The following NAA11 variants were observed in gnomAD, a reference collection of about 807,000 sequenced individuals.
NAA11 encodes the protein N-alpha-acetyltransferase 11.
A neutral mutation model predicts 16.1 loss-of-function variants in NAA11; 15 were observed. The observed-to-expected ratio is 0.93, with a 90% CI of 0.62 to 1.44. The LOEUF (loss-of-function observed/expected upper bound fraction) is 1.44, where lower values mean the gene tolerates loss of function less well. NAA11 is among the 40% of genes most tolerant of loss of function. The pLI is 0.00. For missense variants in NAA11, 298 were observed against 291.3 expected (o/e 1.02, Z -0.17); for synonymous variants, 122 against 112.4 (o/e 1.09, Z -0.54).
the NAA11 span, among the ~76,000 whole-genome samples, chr4:79,202,170 G>A: frequency 7.3e-5 from 11 of 151,480 alleles, 1 homozygote; most frequent in South Asian, 4.2e-4. Context: ...GAGTCAGATC[G>A]TGTGATGTTT....
At chr4:79,267,334 A>G (rs949599438) in intron 2 of NAA11, among the ~76,000 whole-genome samples, 3 of 152,206 alleles carry the variant, frequency 2.0e-5, no homozygotes, top group African/African-American at 7.2e-5. Flanking sequence ...AGATTATTAC[A>G]CTTGGGGAGA....
the NAA11 span, among the ~76,000 whole-genome samples, chr4:79,216,510 T>C: frequency 6.6e-6 from 1 of 152,144 alleles, no homozygotes; most frequent in East Asian, 1.9e-4. Flanking sequence ...AATAAATTCA[T>C]CAAATGACTG....
intron 2 of NAA11, among the ~76,000 whole-genome samples, chr4:79,278,790 C>CTTT (rs1275836265): frequency 6.6e-6 from 1 of 152,080 alleles, no homozygotes; most frequent in African/African-American, 2.4e-5. Context: ...TCTCAACATC[C>CTTT]TTTATAATAC....
chr4:79,264,244 A>C (rs1439218997), intron 2 of NAA11, among the ~76,000 whole-genome samples: 1 of 152,256 alleles, frequency 6.6e-6, no homozygotes, highest in Non-Finnish European at 1.5e-5. Flanking sequence ...ACAATTTGAC[A>C]GAGTTGATTT....
chr4:79,181,444 G>A, the NAA11 span, among the ~76,000 whole-genome samples: 3 of 152,176 alleles, frequency 2.0e-5, no homozygotes, highest in African/African-American at 7.2e-5. Flanking sequence ...AAGGTTTAGA[G>A]TAGAAAGTTA....
chr4:79,193,401 A>G, the NAA11 span, among the ~76,000 whole-genome samples: 1 of 152,158 alleles, frequency 6.6e-6, no homozygotes, highest in Non-Finnish European at 1.5e-5. Flanking sequence ...TAATTTTTGT[A>G]TAAGGTGTAA....
intron 2 of NAA11, among the ~76,000 whole-genome samples, chr4:79,273,885 A>G (rs1359135559): frequency 1.3e-5 from 2 of 152,086 alleles, no homozygotes; most frequent in Non-Finnish European, 2.9e-5. Flanking sequence ...TGGCTGCAAG[A>G]TAGCCATAAA....
chr4:79,263,791 T>A (rs1560432465), intron 2 of NAA11, among the ~76,000 whole-genome samples: 1 of 152,270 alleles, frequency 6.6e-6, no homozygotes, highest in East Asian at 1.9e-4. Flanking sequence ...CTACTTTACA[T>A]CTTCTCTCTT....
At chr4:79,254,503 G>C (rs576382560) in intron 2 of NAA11, among the ~76,000 whole-genome samples, 105 of 152,106 alleles carry the variant, frequency 6.9e-4, no homozygotes, top group East Asian at 1.9e-3. Context: ...TTGTCCACAT[G>C]GTGTCCCAGA....
chr4:79,198,943 T>G, the NAA11 span, among the ~76,000 whole-genome samples: 1 of 151,958 alleles, frequency 6.6e-6, no homozygotes, highest in African/African-American at 2.4e-5. Flanking sequence ...GCAAATGGCA[T>G]GCAATTCTGG....
the NAA11 span, among the ~76,000 whole-genome samples, chr4:79,213,137 G>T: frequency 3.9e-5 from 6 of 152,032 alleles, no homozygotes; most frequent in Admixed American, 1.3e-4. Flanking sequence ...GTTTTGGGTG[G>T]GGCTATCAAG....
chr4:79,309,581 T>G (rs1240239374), intron 1 of NAA11, among the ~76,000 whole-genome samples: 1 of 152,178 alleles, frequency 6.6e-6, no homozygotes, highest in Non-Finnish European at 1.5e-5. Context: ...TATTTGTTTT[T>G]TTAGAATTGA....
At chr4:79,309,285 T>G (rs556740788) in intron 1 of NAA11, among the ~76,000 whole-genome samples, 1 of 145,494 alleles carries the variant, frequency 6.9e-6, no homozygotes, top group South Asian at 2.3e-4. Context: ...GCTTTGCACA[T>G]GGACTAAAAT....
chr4:79,220,890 G>T (rs890296262), downstream of NAA11, among the ~76,000 whole-genome samples: 2 of 151,990 alleles, frequency 1.3e-5, no homozygotes, highest in South Asian at 2.1e-4. Context: ...ATTTAAAGTA[G>T]TTTTTTCCAA....
the NAA11 span, among the ~76,000 whole-genome samples, chr4:79,214,451 TC>T: frequency 6.6e-6 from 1 of 151,976 alleles, no homozygotes; most frequent in African/African-American, 2.4e-5. Context: ...CCATATGTGG[TC>T]CCCCCTCATG....
chr4:79,184,196 C>T, the NAA11 span, among the ~76,000 whole-genome samples: 4 of 151,990 alleles, frequency 2.6e-5, no homozygotes, highest in African/African-American at 4.8e-5. Context: ...TTGATAAAAC[C>T]CATATTGTAT....
chr4:79,285,285 T>C (rs1722882271), intron 2 of NAA11, among the ~76,000 whole-genome samples: 1 of 152,124 alleles, frequency 6.6e-6, no homozygotes, highest in South Asian at 2.1e-4. Context: ...ACACACAGAC[T>C]ATTCATCACA....
At chr4:79,211,999 G>A in the NAA11 span, among the ~76,000 whole-genome samples, 24 of 152,174 alleles carry the variant, frequency 1.6e-4, no homozygotes, top group Non-Finnish European at 3.2e-4. Context: ...AATGCCAGGT[G>A]TCTCCTGGAA....
intron 2 of NAA11, among the ~76,000 whole-genome samples, chr4:79,262,225 T>C (rs1295362494): frequency 6.6e-6 from 1 of 152,186 alleles, no homozygotes; most frequent in Non-Finnish European, 1.5e-5. Context: ...CTGAAAAACA[T>C]GCAAAGACAA....
Sources: gnomAD v4.1 joint callset for allele counts (sites outside exome capture counted in the v4.1 genomes callset) on GRCh38, gnomAD v4.1.1 for gene constraint, MANE v1.5 for transcripts, NCBI Gene and HGNC (gene_info 2026-07-23, HGNC 2026-07-21) for gene names.